KIAA0930: variants seen among roughly 807,000 people sequenced by gnomAD.
KIAA0930 encodes KIAA0930, also known as uncharacterized protein KIAA0930.
KIAA0930 carries 24 observed loss-of-function variants against 43.9 expected under a neutral mutation model. The ratio of observed to expected loss-of-function variants is 0.55; its 90% CI spans 0.40 to 0.77. The LOEUF (loss-of-function observed/expected upper bound fraction) is 0.77, where lower values mean the gene tolerates loss of function less well. Among genes scored for constraint, KIAA0930 ranks in the 30% least tolerant of loss-of-function variants. The pLI, the probability that KIAA0930 is intolerant of heterozygous loss-of-function variation, is 0.00. For missense variants in KIAA0930, 461 were observed against 574.2 expected (o/e 0.80, Z 2.02); for synonymous variants, 259 against 216.4 (o/e 1.20, Z -1.73).
At chr22:45,197,283 G>A in intron 9 of KIAA0930, 67 bp from the exon 10 acceptor site, 2 of 1,414,540 alleles carry the variant, frequency 1.4e-6, no homozygotes, top group African/African-American at 1.4e-5. Flanking sequence ...TATGGTCACG[G>A]CAGTGCCACT....
At chr22:45,228,789 A>ACTCACCCG (rs1231250173) in intron 1 of KIAA0930, among the ~76,000 whole-genome samples, 4 of 34,560 alleles carry the variant, frequency 1.2e-4, no homozygotes, top group Non-Finnish European at 2.1e-4. Context: ...CCCAACCACC[A>ACTCACCCG]AACACTCACC....
In KIAA0930 at chr22:45,194,052, C is replaced by CTTTTTTTTTT. The variant is rs71190644; in HGVS notation, c.*3114_*3123dup. 68 of 44,340 alleles carry CTTTTTTTTTT rather than the reference C, an allele frequency of 1.5e-3. 19 individuals carry two copies. Among genetic ancestry groups the CTTTTTTTTTT allele is most frequent in the East Asian group, 4.5e-3 (6 of 1,332 alleles). The allele number at this position is 44,340 out of a possible 1,614,324, so 2.7% of individuals were successfully genotyped here. A position where few individuals can be genotyped will look rare whatever the true frequency, so the allele number is the denominator to read the frequency against. ...GGTTTGGGTTTAAAGACCAATGTAT[C>CTTTTTTTTTT]TTTTTTTTTTTTTTTTTTTTTTTTT... On this transcript the variant is annotated 3_prime_UTR_variant, in exon 10 of 10. Transcript: ENST00000336156.
chr22:45,206,528 G>T (rs1042373764), intron 2 of KIAA0930, among the ~76,000 whole-genome samples: 1 of 152,122 alleles, frequency 6.6e-6, no homozygotes, highest in African/African-American at 2.4e-5. Flanking sequence ...TGGACGGCGG[G>T]GTCTGGGCTA....
intron 1 of KIAA0930, among the ~76,000 whole-genome samples, chr22:45,240,438 G>T (rs1018009536): frequency 7.2e-5 from 11 of 152,098 alleles, no homozygotes; most frequent in Non-Finnish European, 1.3e-4. Context: ...GCGCTCGTCG[G>T]ACGGAAAGCA....
At chr22:45,206,384 C>T (rs894985729) in intron 2 of KIAA0930, among the ~76,000 whole-genome samples, 24 of 152,160 alleles carry the variant, frequency 1.6e-4, no homozygotes, top group African/African-American at 5.8e-4. Context: ...ATCCATTCTC[C>T]TCACTAAGCC....
chr22:45,199,331 A>C (rs1011821822), intron 8 of KIAA0930, among the ~76,000 whole-genome samples: 1 of 152,180 alleles, frequency 6.6e-6, no homozygotes, highest in African/African-American at 2.4e-5. Flanking sequence ...CCAGATACAG[A>C]CAACCGGAGT....
At chr22:45,198,429 C>T (rs934753877) in intron 8 of KIAA0930, among the ~76,000 whole-genome samples, 4 of 152,192 alleles carry the variant, frequency 2.6e-5, no homozygotes, top group African/African-American at 9.7e-5. Context: ...GATTCGGGAA[C>T]GGGCCCAGGT....
chr22:45,238,934 T>C (rs2083902419), intron 1 of KIAA0930, among the ~76,000 whole-genome samples: 1 of 150,942 alleles, frequency 6.6e-6, no homozygotes, highest in South Asian at 2.1e-4. Flanking sequence ...GATATGGAGA[T>C]AATACTGCTC....
chr22:45,240,128 A>G (rs2083907857), intron 1 of KIAA0930, among the ~76,000 whole-genome samples: 1 of 152,100 alleles, frequency 6.6e-6, no homozygotes. Flanking sequence ...CTAAGGGATG[A>G]GAGGGGCCGG....
intron 4 of KIAA0930, 48 bp from the exon 5 acceptor site, chr22:45,205,366 C>T (rs1024832765): frequency 6.5e-7 from 1 of 1,533,754 alleles, no homozygotes; most frequent in African/African-American, 1.4e-5. Flanking sequence ...ACCCGGCACA[C>T]AGGCCCAGAG....
intron 7 of KIAA0930, 196 bp from the exon 8 acceptor site, chr22:45,200,231 C>T: frequency 4.2e-6 from 2 of 479,496 alleles, no homozygotes; most frequent in South Asian, 4.8e-5. Flanking sequence ...AGCCCAGGGG[C>T]CAGCAGGACA....
Position 45,196,222 on chromosome 22 carries a change from C to T in KIAA0930, c.*954G>A, listed in dbSNP as rs1045317369. The stretch of plus-strand genomic sequence containing the variant: ...GTGAGCCTCTGAGCAACTCCTCTGC[C>T]TCAGTGAGCTGGTCTGAGAGATGGG... On this transcript the variant is annotated 3_prime_UTR_variant, in exon 10 of 10. Coordinates refer to ENST00000336156, the MANE Select transcript of KIAA0930 (RefSeq NM_001009880.2). The surrounding 1 kb of genome is among the most constrained non-coding windows in gnomAD (Gnocchi z 4.1). 1.3e-5 allele frequency: 2 copies of T among 152,264 alleles called. No individual in the cohort carries two copies. The highest frequency in any genetic ancestry group is 4.8e-5 in the African/African-American group (2 of 41,442). The allele number at this position is 152,264 out of a possible 1,614,324, so 9.4% of individuals were successfully genotyped here.
intron 1 of KIAA0930, chr22:45,212,539 C>T: frequency 7.1e-7 from 1 of 1,402,302 alleles, no homozygotes; most frequent in Admixed American, 3.0e-5. Context: ...ACCCACTCCC[C>T]CTGGCTGCGG....
chr22:45,207,365 C>T (rs553455467), intron 2 of KIAA0930, among the ~76,000 whole-genome samples: 11 of 149,334 alleles, frequency 7.4e-5, no homozygotes, highest in Admixed American at 3.4e-4. Context: ...CTTTGTCACC[C>T]GGGCTGGAGT....
At position 45,212,481 on chromosome 22, in the gene KIAA0930, G is replaced by C. The variant is rs564248257; in HGVS notation, c.65-374C>G. 1.1e-4 allele frequency: 158 copies of C among 1,438,158 alleles called. No homozygotes were observed. The Middle Eastern group carries it at 2.1e-3, about 19-fold the overall frequency. 89.1% of individuals were successfully genotyped at this position (1,438,158 alleles called of 1,614,324 possible). A position where few individuals can be genotyped will look rare whatever the true frequency, so the allele number is the denominator to read the frequency against. ...CTGGAAGCCGGGAAGGCTTGGCTGG[G>C]GGGGAGCCTTTGGAGAGGCAGGGCT... is the stretch of plus-strand genomic sequence containing the variant. On this transcript the variant is annotated intron_variant, in intron 1 of 9. Coordinates refer to ENST00000336156, the MANE Select transcript of KIAA0930 (RefSeq NM_001009880.2).
rs1365357155 is a variant in KIAA0930, at chr22:45,203,976, C to T, written c.526G>A (p.Asp176Asn). 8.1e-6 allele frequency: 13 copies of T among 1,613,978 alleles called. No homozygotes were observed. The highest frequency in any genetic ancestry group is 2.2e-5 in the East Asian group (1 of 44,868). The change falls in exon 6 of 10, where the codon GAC becomes AAC. Residue 176 changes from aspartate to asparagine, a missense_variant. By Grantham distance (23) the Asp-to-Asn change is conservative. Transcript: ENST00000336156. ...ATCTCTCCTTCCCCTACGGTCATGT[C>T]GCTGAACACCTGGGCCAGGACACAA... ...MIDSFEEVFS[D>N]MTVGEGEMVC...
chr22:45,197,096 G>A lies in KIAA0930; in HGVS notation c.*80C>T, dbSNP rs983523254. The A allele has an allele frequency of 9.2e-5, 113 of 1,231,802 alleles. No individual in the cohort carries two copies. The highest frequency in any genetic ancestry group is 3.9e-4 in the Admixed American group (14 of 35,590). 76.3% of individuals were successfully genotyped at this position (1,231,802 alleles called of 1,614,324 possible). A position where few individuals can be genotyped will look rare whatever the true frequency, so the allele number is the denominator to read the frequency against. On this transcript the variant is annotated 3_prime_UTR_variant, in exon 10 of 10. Transcript: ENST00000336156. ...GCACTGGCGTGCCATCGCAGACCCC[G>A]GTGGCGGTGGACAGGTAGGCACTTG... is the stretch of plus-strand genomic sequence containing the variant.
intron 1 of KIAA0930, chr22:45,213,516 A>C: frequency 8.5e-7 from 1 of 1,170,438 alleles, no homozygotes; most frequent in Non-Finnish European, 1.1e-6. Flanking sequence ...TGCTGTCTGC[A>C]GAGTCGCTTT....
intron 1 of KIAA0930, among the ~76,000 whole-genome samples, chr22:45,225,385 A>G (rs186617952): frequency 1.2e-4 from 19 of 152,238 alleles, no homozygotes; most frequent in South Asian, 4.1e-4. Flanking sequence ...ACCAAAGGGA[A>G]GCGTGGGGTC....
Sources: gnomAD v4.1 joint callset for allele counts (sites outside exome capture counted in the v4.1 genomes callset) on GRCh38, gnomAD v4.1.1 for gene constraint, Gnocchi (gnomAD v3.1) non-coding constraint, MANE v1.5 for transcripts, NCBI Gene and HGNC (gene_info 2026-07-23, HGNC 2026-07-21) for gene names.